The following CNTN4 variants were observed in gnomAD, a reference collection of about 807,000 sequenced individuals.
CNTN4 encodes the protein contactin 4, also known as contactin-4.
In CNTN4, 77 loss-of-function variants were observed where a neutral mutation model predicts 122.5. The observed-to-expected ratio is 0.63, with a 90% CI of 0.52 to 0.76. CNTN4 has a LOEUF of 0.76. Among genes scored for constraint, CNTN4 ranks in the 30% least tolerant of loss-of-function variants. The probability of loss-of-function intolerance (pLI) is 0.00; values close to 1 mark genes in which losing one functional copy is unlikely to be tolerated. For synonymous variants in CNTN4, 512 were observed against 447.0 expected (o/e 1.15, Z -1.83); for missense variants, 1,256 against 1,259.1 (o/e 1.00, Z 0.04).
chr3:2,416,408 T>C (rs944575194), intron 3 of CNTN4, among the ~76,000 whole-genome samples: 2 of 152,206 alleles, frequency 1.3e-5, no homozygotes, highest in South Asian at 2.1e-4. Context: ...ATATAACATA[T>C]GTAAAATGTA....
intron 3 of CNTN4, among the ~76,000 whole-genome samples, chr3:2,502,707 C>G (rs142759653): frequency 6.6e-6 from 1 of 152,096 alleles, no homozygotes; most frequent in Admixed American, 6.5e-5. Flanking sequence ...ATTGTTGGAA[C>G]TTTACCTTCA....
At chr3:2,195,673 G>A (rs768919767) in intron 2 of CNTN4, among the ~76,000 whole-genome samples, 2 of 152,180 alleles carry the variant, frequency 1.3e-5, no homozygotes, top group Non-Finnish European at 2.9e-5. Context: ...TCTGATTCCA[G>A]AATATCGGTA....
At chr3:2,899,140 A>G (rs2094146111) in intron 10 of CNTN4, among the ~76,000 whole-genome samples, 1 of 152,232 alleles carries the variant, frequency 6.6e-6, no homozygotes. Flanking sequence ...TATAGATGAG[A>G]AAAGAAAAAA....
chr3:2,729,543 CAAA>C (rs377584644), intron 4 of CNTN4, among the ~76,000 whole-genome samples: 2 of 70,048 alleles, frequency 2.9e-5, no homozygotes, highest in African/African-American at 1.3e-4. Context: ...GACTCCATCT[CAAA>C]AAAAAAAAAA....
At chr3:2,975,124 C>T (rs1165499616) in intron 13 of CNTN4, among the ~76,000 whole-genome samples, 1 of 151,546 alleles carries the variant, frequency 6.6e-6, no homozygotes, top group African/African-American at 2.4e-5. Flanking sequence ...CTTTCAGACA[C>T]ATTAATAGGG....
rs756073463 is a variant in CNTN4, at chr3:2,592,460, T to A, written c.55+20902T>A. Among the ~76,000 whole-genome samples the A allele has an allele frequency of 1.4e-3, 207 of 152,316 alleles. 3 individuals carry two copies. The highest frequency in any genetic ancestry group is 1.7e-3 in the Non-Finnish European group (114 of 68,020). ...TCTTGTAGCTCCCATAATTCCCACA[T>A]GTTGTGGGACGTACCGGGTAAGAGA... On this transcript the variant is annotated intron_variant, in intron 4 of 24. Transcript: ENST00000418658.
intron 4 of CNTN4, among the ~76,000 whole-genome samples, chr3:2,686,419 C>G (rs911265791): frequency 1.3e-5 from 2 of 152,072 alleles, no homozygotes; most frequent in African/African-American, 4.8e-5. Flanking sequence ...CGACACACAC[C>G]CCATCTCCTC....
chr3:2,613,362 G>A (rs12494352), intron 4 of CNTN4, among the ~76,000 whole-genome samples: 67,832 of 151,758 alleles, frequency 0.45, 15,943 homozygotes, highest in Middle Eastern at 0.53. Context: ...TAGATCAACC[G>A]TGATTCAACC....
chr3:3,014,878 G>GT (rs1697592810), intron 14 of CNTN4, among the ~76,000 whole-genome samples: 16 of 55,866 alleles, frequency 2.9e-4, no homozygotes, highest in South Asian at 1.0e-3. Context: ...ACCCTCGATT[G>GT]GTTTTTTTTT....
intron 3 of CNTN4, among the ~76,000 whole-genome samples, chr3:2,570,911 A>C (rs556777090): frequency 1.3e-5 from 2 of 152,314 alleles, no homozygotes; most frequent in African/African-American, 4.8e-5. Context: ...TTAGAAGTGA[A>C]ACACGGGGCA....
intron 2 of CNTN4, among the ~76,000 whole-genome samples, chr3:2,272,874 C>T (rs1051477233): frequency 1.3e-5 from 2 of 152,000 alleles, no homozygotes; most frequent in Admixed American, 6.6e-5. Context: ...CTCTCAGATG[C>T]TGCTTTTGTA....
chr3:2,103,720 T>A (rs2032189129), intron 2 of CNTN4, among the ~76,000 whole-genome samples: 1 of 151,524 alleles, frequency 6.6e-6, no homozygotes, highest in Non-Finnish European at 1.5e-5. Context: ...TATTTTTTAT[T>A]TATCTATTTA....
At chr3:2,394,975 C>G (rs955952862) in intron 3 of CNTN4, among the ~76,000 whole-genome samples, 4 of 151,962 alleles carry the variant, frequency 2.6e-5, no homozygotes, top group Admixed American at 2.0e-4. Context: ...TCGGTAGACA[C>G]GGGATTTTAC....
At chr3:2,932,012 A>T (rs1187405389) in intron 13 of CNTN4, among the ~76,000 whole-genome samples, 1 of 151,412 alleles carries the variant, frequency 6.6e-6, no homozygotes, top group Non-Finnish European at 1.5e-5. Flanking sequence ...TTCCATGAGA[A>T]TAGAAATGTG....
At chr3:3,047,384 A>T (rs886312084) in intron 23 of CNTN4, among the ~76,000 whole-genome samples, 5 of 152,140 alleles carry the variant, frequency 3.3e-5, no homozygotes, top group Admixed American at 3.3e-4. Context: ...GAAGTAAAGC[A>T]CTCCTCAGCA....
At chr3:2,988,699 A>G in intron 14 of CNTN4, 1 of 547,064 alleles carries the variant, frequency 1.8e-6, no homozygotes, top group Non-Finnish European at 3.3e-6. Flanking sequence ...CAATTTTGAG[A>G]ATTATAGCCA....
Position 2,227,615 on chromosome 3 carries a change from G to T in CNTN4, c.-144-111563G>T, listed in dbSNP as rs554219932. On this transcript the variant is annotated intron_variant, in intron 2 of 24. Transcript: ENST00000418658. ...TTAATGCTGCGGCACAGATTGAATGGATTGGGAGTCTGTGGGTAAGTAATA... is the reference window on the plus strand; with the variant it reads ...TTAATGCTGCGGCACAGATTGAATGTATTGGGAGTCTGTGGGTAAGTAATA... Among the ~76,000 whole-genome samples the T allele has an allele frequency of 6.6e-5, 10 of 152,270 alleles. No individual in the cohort carries two copies. The East Asian group carries it at 1.7e-3, about 26-fold the overall frequency.
At chr3:2,700,240 A>C (rs2086282895) in intron 4 of CNTN4, among the ~76,000 whole-genome samples, 1 of 152,232 alleles carries the variant, frequency 6.6e-6, no homozygotes, top group African/African-American at 2.4e-5. Flanking sequence ...TAATAACCTT[A>C]TGAGATCATC....
intron 4 of CNTN4, chr3:2,629,540 T>C (rs1018929754): frequency 4.4e-6 from 2 of 453,358 alleles, no homozygotes; most frequent in Admixed American, 2.4e-5. Flanking sequence ...ACAGACTGAC[T>C]TCTGGTCCTT....
Sources: allele counts gnomAD v4.1 joint callset (sites outside exome capture counted in the v4.1 genomes callset), GRCh38; gene constraint gnomAD v4.1.1; transcripts MANE v1.5; gene names NCBI Gene and HGNC (gene_info 2026-07-23, HGNC 2026-07-21).